The following LDLRAD3 variants were observed in gnomAD, a reference collection of about 807,000 sequenced individuals.
LDLRAD3 encodes low density lipoprotein receptor class A domain containing 3.
In LDLRAD3, 20 loss-of-function variants were observed where a neutral mutation model predicts 29.4. The observed-to-expected ratio is 0.68, with a 90% CI of 0.48 to 0.99. The LOEUF (loss-of-function observed/expected upper bound fraction) is 0.99, where lower values mean the gene tolerates loss of function less well. LDLRAD3 is among the 50% of genes least tolerant of loss of function. The pLI is 0.00. For missense variants in LDLRAD3, 420 were observed against 454.3 expected (o/e 0.92, Z 0.69); for synonymous variants, 157 against 192.7 (o/e 0.81, Z 1.53).
chr11:36,007,077 C>G (rs1328089280), intron 1 of LDLRAD3, among the ~76,000 whole-genome samples: 1 of 152,166 alleles, frequency 6.6e-6, no homozygotes, highest in Non-Finnish European at 1.5e-5. Flanking sequence ...ATTCTGATTC[C>G]AAGAGCTTTG....
In LDLRAD3 at chr11:35,944,290, G is replaced by A; in HGVS notation, c.46+146G>A. The stretch of plus-strand genomic sequence containing the variant: ...CGCGGAGGGCGGACCCCGGCGCCGG[G>A]CTGGCCCGGACCCTGCCGAGGGGCC... On this transcript the variant is annotated intron_variant, in intron 1 of 5. Transcript: ENST00000315571. The surrounding 1 kb of genome is among the most constrained non-coding windows in gnomAD (Gnocchi z 4.9). The A allele has an allele frequency of 2.7e-6, 1 of 375,882 alleles. No individual in the cohort carries two copies. Among genetic ancestry groups the A allele is most frequent in the Non-Finnish European group, 3.7e-6 (1 of 271,982 alleles). 23.3% of individuals were successfully genotyped at this position (375,882 alleles called of 1,614,324 possible). A position where few individuals can be genotyped will look rare whatever the true frequency, so the allele number is the denominator to read the frequency against.
At chr11:35,971,600 C>T (rs1851413172) in intron 1 of LDLRAD3, among the ~76,000 whole-genome samples, 1 of 152,188 alleles carries the variant, frequency 6.6e-6, no homozygotes, top group African/African-American at 2.4e-5. Context: ...GAAGCCAAAC[C>T]TGCTGACTCC....
At chr11:36,070,133 T>C (rs947314265) in intron 2 of LDLRAD3, among the ~76,000 whole-genome samples, 1 of 152,236 alleles carries the variant, frequency 6.6e-6, no homozygotes, top group East Asian at 1.9e-4. Context: ...GCTTCGCTTT[T>C]GAATCCCCAC....
chr11:36,129,898 A>T (rs940610087), intron 4 of LDLRAD3, among the ~76,000 whole-genome samples: 1 of 152,138 alleles, frequency 6.6e-6, no homozygotes, highest in African/African-American at 2.4e-5. Context: ...CACTGGGTGT[A>T]CACTGTCCTT....
chr11:36,027,793 G>C (rs2133203303), intron 1 of LDLRAD3, among the ~76,000 whole-genome samples: 1 of 152,316 alleles, frequency 6.6e-6, no homozygotes, highest in South Asian at 2.1e-4. Context: ...TTGGGCAGTG[G>C]CTGTTCCTGA....
chr11:36,222,336 T>A (rs1338632198), intron 4 of LDLRAD3, among the ~76,000 whole-genome samples: 1 of 152,072 alleles, frequency 6.6e-6, no homozygotes, highest in Non-Finnish European at 1.5e-5. Context: ...CCCCCTACTT[T>A]CACCTCCCAA....
intron 2 of LDLRAD3, among the ~76,000 whole-genome samples, chr11:36,036,570 T>C (rs1162929760): frequency 6.6e-6 from 1 of 152,168 alleles, no homozygotes; most frequent in African/African-American, 2.4e-5. Context: ...CCAGAGGTTA[T>C]GTGGCTGCAG....
At chr11:36,146,289 G>C (rs982308729) in intron 4 of LDLRAD3, among the ~76,000 whole-genome samples, 2 of 152,238 alleles carry the variant, frequency 1.3e-5, no homozygotes, top group African/African-American at 4.8e-5. Context: ...CTACATGGCA[G>C]CAAGGCTTTG....
At chr11:36,214,632 C>T (rs994348139) in intron 4 of LDLRAD3, among the ~76,000 whole-genome samples, 10 of 152,180 alleles carry the variant, frequency 6.6e-5, no homozygotes, top group Non-Finnish European at 1.2e-4. Flanking sequence ...TTGAGTGGGA[C>T]CTGCCCTCAT....
At chr11:35,967,924 A>G (rs1851362652) in intron 1 of LDLRAD3, 1 of 390,982 alleles carries the variant, frequency 2.6e-6, no homozygotes, top group Non-Finnish European at 5.0e-6. Context: ...ATGAGCATAA[A>G]CTTCACGCAA....
chr11:36,047,678 C>T (rs1034961946), intron 2 of LDLRAD3, among the ~76,000 whole-genome samples: 1 of 152,192 alleles, frequency 6.6e-6, no homozygotes, highest in East Asian at 1.9e-4. Context: ...GGACCTGGCT[C>T]TGCACCCAAC....
intron 4 of LDLRAD3, among the ~76,000 whole-genome samples, chr11:36,214,509 A>G (rs548961874): frequency 1.3e-5 from 2 of 152,342 alleles, no homozygotes; most frequent in South Asian, 2.1e-4. Flanking sequence ...TACAGTGAAC[A>G]TGTGTTTTCT....
chr11:36,144,852 T>TG (rs1399341960), intron 4 of LDLRAD3, among the ~76,000 whole-genome samples: 5 of 74,534 alleles, frequency 6.7e-5, no homozygotes, highest in African/African-American at 1.5e-4. Context: ...GGGAGGGAGG[T>TG]GGGGGGGTCA....
At chr11:35,948,268 C>T (rs950403025) in intron 1 of LDLRAD3, among the ~76,000 whole-genome samples, 1 of 152,078 alleles carries the variant, frequency 6.6e-6, no homozygotes, top group Non-Finnish European at 1.5e-5. Context: ...ATGGGATTGC[C>T]CCAGGGATGG....
chr11:36,177,527 C>T lies in LDLRAD3; in HGVS notation c.455-49558C>T, dbSNP rs1412435440. On this transcript the variant is annotated intron_variant, in intron 4 of 5. Coordinates refer to ENST00000315571, the MANE Select transcript of LDLRAD3 (RefSeq NM_174902.4). ...CAGGGTGGTCCCTTGATGTGGTGCT[C>T]TCCCTCTTCCCCTAGGGATGGGGCT... 2.0e-5 allele frequency among the ~76,000 whole-genome samples: 3 copies of T among 152,202 alleles called. 1 individual carries two copies. The highest frequency in any genetic ancestry group is 4.4e-5 in the Non-Finnish European group (3 of 68,038).
chr11:36,044,159 C>G (rs1016496300), intron 2 of LDLRAD3, among the ~76,000 whole-genome samples: 1 of 151,914 alleles, frequency 6.6e-6, no homozygotes, highest in Non-Finnish European at 1.5e-5. Flanking sequence ...GTGCAGCCCC[C>G]GGGCTTACCA....
At chr11:36,168,339 T>C (rs1271813018) in intron 4 of LDLRAD3, among the ~76,000 whole-genome samples, 1 of 152,180 alleles carries the variant, frequency 6.6e-6, no homozygotes, top group African/African-American at 2.4e-5. Flanking sequence ...GCCTCCCTGA[T>C]GCTTGTTTTT....
intron 3 of LDLRAD3, among the ~76,000 whole-genome samples, chr11:36,093,090 G>A (rs1853307533): frequency 6.6e-6 from 1 of 152,188 alleles, no homozygotes; most frequent in Non-Finnish European, 1.5e-5. Flanking sequence ...TAAATATTAA[G>A]AGGTGTTTGT....
intron 1 of LDLRAD3, among the ~76,000 whole-genome samples, chr11:35,999,881 A>G (rs557523722): frequency 6.6e-6 from 1 of 152,248 alleles, no homozygotes; most frequent in East Asian, 1.9e-4. Context: ...TGGATGCAAC[A>G]TTATTGCTCA....
Sources: gnomAD v4.1 joint callset for allele counts (sites outside exome capture counted in the v4.1 genomes callset) on GRCh38, gnomAD v4.1.1 for gene constraint, Gnocchi (gnomAD v3.1) non-coding constraint, MANE v1.5 for transcripts, NCBI Gene and HGNC (gene_info 2026-07-23, HGNC 2026-07-21) for gene names.